The following PCED1B variants were observed in gnomAD, a reference collection of about 807,000 sequenced individuals.
PCED1B encodes PC-esterase domain-containing protein 1B.
For synonymous variants in PCED1B, 251 were observed against 246.1 expected, an observed-to-expected ratio of 1.02 and a Z score of -0.19; for missense variants, 573 against 573.9, an observed-to-expected ratio of 1.00 and a Z score of 0.02.
At chr12:47,135,082 T>C (rs1476138953) in intron 2 of PCED1B, among the ~76,000 whole-genome samples, 1 of 152,152 alleles carries the variant, frequency 6.6e-6, no homozygotes, top group Non-Finnish European at 1.5e-5. Context: ...TTCACCAATC[T>C]CTACTGATAG....
At chr12:47,223,217 T>G (rs1943538063) in intron 3 of PCED1B, among the ~76,000 whole-genome samples, 1 of 152,026 alleles carries the variant, frequency 6.6e-6, no homozygotes, top group Non-Finnish European at 1.5e-5. Context: ...CACAAATACG[T>G]GGACTTGAGG....
intron 3 of PCED1B, among the ~76,000 whole-genome samples, chr12:47,230,584 G>A (rs566419174): frequency 7.9e-5 from 12 of 152,122 alleles, no homozygotes; most frequent in Non-Finnish European, 1.8e-4. Context: ...TGGGATTACA[G>A]GCATGTGCCA....
intron 2 of PCED1B, among the ~76,000 whole-genome samples, chr12:47,106,177 A>G (rs1289815834): frequency 1.3e-5 from 2 of 152,018 alleles, no homozygotes; most frequent in African/African-American, 2.4e-5. Flanking sequence ...ACAAGAGTCC[A>G]CAAAGACCAT....
At chr12:47,230,555 G>A (rs755163808) in intron 3 of PCED1B, among the ~76,000 whole-genome samples, 8 of 152,094 alleles carry the variant, frequency 5.3e-5, no homozygotes, top group South Asian at 2.1e-4. Flanking sequence ...GGGATCTCCC[G>A]CCTCAGCCTC....
At chr12:47,193,942 C>A (rs1942523212) in intron 2 of PCED1B, among the ~76,000 whole-genome samples, 1 of 152,208 alleles carries the variant, frequency 6.6e-6, no homozygotes, top group Non-Finnish European at 1.5e-5. Context: ...TGCTCTTGCC[C>A]TCACTAAGCT....
At position 47,184,492 on chromosome 12, in the gene PCED1B, T is replaced by C. The variant is rs375172036; in HGVS notation, c.-525-31730T>C. Among the ~76,000 whole-genome samples, 11 of 152,316 alleles carry C rather than the reference T, an allele frequency of 7.2e-5. No individual in the cohort carries two copies. The East Asian group carries it at 1.9e-3, about 27-fold the overall frequency. Reference sequence around the variant, plus strand: ...CAGCTCCAGCACACACCACTGGTTCTAGCCCTTCAAAGCAAGTTTAGCTAG... The same window carrying C: ...CAGCTCCAGCACACACCACTGGTTCCAGCCCTTCAAAGCAAGTTTAGCTAG... On this transcript the variant is annotated intron_variant, in intron 2 of 3. Transcript: ENST00000546455.
intron 1 of PCED1B, among the ~76,000 whole-genome samples, chr12:47,083,342 T>C (rs1053735875): frequency 7.2e-5 from 11 of 152,252 alleles, no homozygotes; most frequent in East Asian, 5.8e-4. Flanking sequence ...TGCCTCTTTT[T>C]TCGGCGTGAG....
chr12:47,232,905 TTTTATTTATTTATTTA>T (rs66480040), intron 3 of PCED1B, among the ~76,000 whole-genome samples: 39 of 144,318 alleles, frequency 2.7e-4, no homozygotes, highest in East Asian at 2.4e-3. Context: ...GACCTAGAAA[TTTTATTTATTTATTTA>T]TTTATTTATT....
chr12:47,195,428 TATTA>T (rs1244941220), intron 2 of PCED1B, among the ~76,000 whole-genome samples: 5 of 152,136 alleles, frequency 3.3e-5, no homozygotes, highest in African/African-American at 7.2e-5. Context: ...TTTTTCTCCA[TATTA>T]ATTATGTGTA....
intron 2 of PCED1B, among the ~76,000 whole-genome samples, chr12:47,159,968 TTTC>T (rs1941316281): frequency 6.6e-6 from 1 of 152,198 alleles, no homozygotes; most frequent in South Asian, 2.1e-4. Flanking sequence ...ATATCAAATT[TTTC>T]TAGCACCATT....
In PCED1B at chr12:47,137,208, A is replaced by T. The variant is rs61034127; in HGVS notation, c.-526+33013A>T. On this transcript the variant is annotated intron_variant, in intron 2 of 3. Coordinates refer to ENST00000546455, the MANE Select transcript of PCED1B (RefSeq NM_138371.3). ...GAAAATTTCCCATGATATGAATATA[A>T]ACAAAGTCTTAATTTCATTTTTTAT... Among the ~76,000 whole-genome samples, 789 of 152,340 alleles carry T rather than the reference A, an allele frequency of 5.2e-3. 6 individuals carry two copies. Among genetic ancestry groups the T allele is most frequent in the African/African-American group, 0.017 (721 of 41,562 alleles).
intron 2 of PCED1B, among the ~76,000 whole-genome samples, chr12:47,181,373 A>T (rs1347779498): frequency 3.4e-5 from 5 of 145,412 alleles, no homozygotes; most frequent in South Asian, 2.1e-4. Context: ...TTCTTTCATT[A>T]TTTTTTTTTT....
chr12:47,120,588 G>C (rs1310076306), intron 2 of PCED1B, among the ~76,000 whole-genome samples: 1 of 152,010 alleles, frequency 6.6e-6, no homozygotes, highest in Non-Finnish European at 1.5e-5. Flanking sequence ...GATCACCTGG[G>C]GTCAGGAGTT....
At chr12:47,131,298 C>G (rs1320718771) in intron 2 of PCED1B, among the ~76,000 whole-genome samples, 1 of 152,192 alleles carries the variant, frequency 6.6e-6, no homozygotes. Context: ...CAATCCTTGA[C>G]CTCAGAATGC....
intron 2 of PCED1B, among the ~76,000 whole-genome samples, chr12:47,156,467 C>T (rs1340664629): frequency 6.6e-6 from 1 of 152,128 alleles, no homozygotes; most frequent in African/African-American, 2.4e-5. Flanking sequence ...GTCTTGCTCC[C>T]TGCTTCTCAA....
At chr12:47,190,519 A>G (rs1000475941) in intron 2 of PCED1B, among the ~76,000 whole-genome samples, 3 of 152,232 alleles carry the variant, frequency 2.0e-5, no homozygotes, top group Non-Finnish European at 4.4e-5. Flanking sequence ...CTTTATGCCT[A>G]CACCAGTTTC....
Position 47,152,543 on chromosome 12 carries a change from C to A in PCED1B, c.-526+48348C>A, listed in dbSNP as rs1015585210. ...TGAAAATTACACACAATGTGGGATC[C>A]TGAATTAAATTTTAGAGCATAAAAA... On this transcript the variant is annotated intron_variant, in intron 2 of 3. Transcript: ENST00000546455. Among the ~76,000 whole-genome samples the A allele has an allele frequency of 5.9e-5, 9 of 152,264 alleles. 1 individual carries two copies. The highest frequency in any genetic ancestry group is 3.4e-3 in the Middle Eastern group (1 of 294).
At chr12:47,158,318 G>A (rs146327346) in intron 2 of PCED1B, among the ~76,000 whole-genome samples, 4 of 152,220 alleles carry the variant, frequency 2.6e-5, no homozygotes, top group African/African-American at 7.2e-5. Context: ...TTCTGGAATT[G>A]TTTTGTTTTG....
At chr12:47,161,629 A>T (rs1276891352) in intron 2 of PCED1B, among the ~76,000 whole-genome samples, 5 of 152,198 alleles carry the variant, frequency 3.3e-5, no homozygotes, top group African/African-American at 1.2e-4. Context: ...GCTGGAGAGG[A>T]TGTGGAGAAA....
Sources: gnomAD v4.1 joint callset for allele counts (sites outside exome capture counted in the v4.1 genomes callset) on GRCh38, gnomAD v4.1.1 for gene constraint, MANE v1.5 for transcripts, NCBI Gene and HGNC (gene_info 2026-07-23, HGNC 2026-07-21) for gene names.